The following NUP210 variants were observed in gnomAD, a reference collection of about 807,000 sequenced individuals.
The protein encoded by NUP210 is nucleoporin 210, also known as nuclear pore membrane glycoprotein 210.
NUP210 carries 151 observed loss-of-function variants against 196.0 expected under a neutral mutation model. The observed-to-expected ratio is 0.77, with a 90% confidence interval of 0.67 to 0.88. The LOEUF (loss-of-function observed/expected upper bound fraction) is 0.88. NUP210 is among the 40% of genes least tolerant of loss of function. The pLI is 0.00. For missense variants in NUP210, 2,314 were observed against 2,493.7 expected (o/e 0.93, Z 1.53); for synonymous variants, 1,070 against 1,052.7 (o/e 1.02, Z -0.32).
In NUP210 at chr3:13,403,445, C is replaced by T. The variant is rs185744220; in HGVS notation, c.168-3584G>A. Among the ~76,000 whole-genome samples the T allele has an allele frequency of 2.6e-5, 4 of 152,324 alleles. No homozygotes were observed. The East Asian group carries it at 7.7e-4, about 29-fold the overall frequency. ...GGCCCCACCCTCATGACCCCATCAC[C>T]TCCCAAAGGTGCTACCTCAAATGCC... On this transcript the variant is annotated intron_variant, in intron 1 of 39. Transcript: ENST00000254508.
At chr3:13,373,128 G>A (rs1698787743) in intron 12 of NUP210, among the ~76,000 whole-genome samples, 1 of 152,202 alleles carries the variant, frequency 6.6e-6, no homozygotes. Context: ...CCCAAATGAA[G>A]GAATAAAGGG....
At chr3:13,391,081 A>G (rs6442382) in intron 4 of NUP210, 130 bp downstream of exon 4, 367,456 of 656,774 alleles carry the variant, frequency 0.56, 106,570 homozygotes, top group African/African-American at 0.84. Context: ...TCGGAATGTT[A>G]CGGGCATCCT....
chr3:13,381,444 G>C (rs1235669240), intron 6 of NUP210, among the ~76,000 whole-genome samples: 3 of 134,752 alleles, frequency 2.2e-5, no homozygotes, highest in African/African-American at 8.4e-5. Context: ...TTAGAGATAG[G>C]TTCTTACTAT....
In NUP210 at chr3:13,317,639, G is replaced by A. The variant is rs1254991474; in HGVS notation, c.*42C>T. On this transcript the variant is annotated 3_prime_UTR_variant, in exon 40 of 40. Coordinates refer to ENST00000254508, the MANE Select transcript of NUP210 (RefSeq NM_024923.4). The stretch of plus-strand genomic sequence containing the variant: ...GGGATGTTCCATCTTGGGGGTGCAC[G>A]AGGCTCGGCTGAGACCCATCCTCCG... 5.7e-6 allele frequency: 8 copies of A among 1,415,854 alleles called. No individual in the cohort carries two copies. The highest frequency in any genetic ancestry group is 2.8e-5 in the African/African-American group (2 of 70,872). The allele number at this position is 1,415,854 out of a possible 1,614,324, so 87.7% of individuals were successfully genotyped here. A position where few individuals can be genotyped will look rare whatever the true frequency, so the allele number is the denominator to read the frequency against.
At chr3:13,386,106 TTCTG>T (rs1417597593) in intron 6 of NUP210, among the ~76,000 whole-genome samples, 165 bp downstream of exon 6, 2 of 151,922 alleles carry the variant, frequency 1.3e-5, no homozygotes, top group Admixed American at 1.3e-4. Flanking sequence ...GATGAACGAG[TTCTG>T]TGGATGGATG....
At position 13,399,864 on chromosome 3, in the gene NUP210, G is replaced by A. The variant is rs748629288; in HGVS notation, c.168-3C>T. On this transcript the variant is annotated splice_polypyrimidine_tract_variant and splice_region_variant and intron_variant, in intron 1 of 39. Coordinates refer to ENST00000254508, the MANE Select transcript of NUP210 (RefSeq NM_024923.4). Reference sequence around the variant, plus strand: ...CCACCTCCGGCCGGGTGGACAACCTGCAGTGGAAGAAGACAGCATTTACTC... The same window carrying A: ...CCACCTCCGGCCGGGTGGACAACCTACAGTGGAAGAAGACAGCATTTACTC... 1.2e-6 allele frequency: 2 copies of A among 1,601,286 alleles called. No individual in the cohort carries two copies. The highest frequency in any genetic ancestry group is 2.2e-5 in the East Asian group (1 of 44,816).
rs777804923 is a variant in NUP210 at position 13,330,558 on chromosome 3, C to G, written c.4012G>C (p.Gly1338Arg). Residue 1338 changes from glycine (G) to arginine (R), a missense_variant, in exon 30 of 40, where the codon GGC becomes CGC. Gly to Arg is a moderately radical substitution (Grantham distance 125, BLOSUM62 -2). Coordinates refer to ENST00000254508, the MANE Select transcript of NUP210 (RefSeq NM_024923.4). ...KVPVVHVDEK[G>R]FLASGSMIGT... ...ATCATAGACCCTGATGCTAGAAAGC[C>G]TTTCTCATCAACATGCACAACTGGA... 21 of 1,614,136 alleles carry G rather than the reference C, an allele frequency of 1.3e-5. No individual in the cohort carries two copies. In the South Asian group the frequency reaches 2.1e-4, roughly 16 times the overall value.
chr3:13,361,386 A>C (rs1698364081), intron 14 of NUP210, among the ~76,000 whole-genome samples: 1 of 152,248 alleles, frequency 6.6e-6, no homozygotes, highest in Non-Finnish European at 1.5e-5. Flanking sequence ...GGCCTAGGGC[A>C]ACCAGTGGTG....
At chr3:13,404,866 A>G (rs1699955143) in intron 1 of NUP210, among the ~76,000 whole-genome samples, 1 of 152,188 alleles carries the variant, frequency 6.6e-6, no homozygotes, top group African/African-American at 2.4e-5. Context: ...TGGGGAGAGA[A>G]GAATTACATC....
At chr3:13,401,315 C>T (rs1348738095) in intron 1 of NUP210, among the ~76,000 whole-genome samples, 1 of 148,792 alleles carries the variant, frequency 6.7e-6, no homozygotes, top group Non-Finnish European at 1.5e-5. Flanking sequence ...GCAGATGTCC[C>T]GCCTTCTGGC....
Position 13,317,485 on chromosome 3 carries a change from T to A in NUP210, c.*196A>T. On this transcript the variant is annotated 3_prime_UTR_variant, in exon 40 of 40. Transcript: ENST00000254508. Reference sequence around the variant, plus strand: ...ACTTGAAAGGAAAAAAACACACATTTAAAACTCCTACATAAAATGAGCTAA... The same window carrying A: ...ACTTGAAAGGAAAAAAACACACATTAAAAACTCCTACATAAAATGAGCTAA... 2 of 581,722 alleles carry A rather than the reference T, an allele frequency of 3.4e-6. No homozygotes were observed. The highest frequency in any genetic ancestry group is 5.8e-5 in the East Asian group (2 of 34,330). 36.0% of individuals were successfully genotyped at this position (581,722 alleles called of 1,614,324 possible).
chr3:13,335,705 C>G, intron 27 of NUP210, 93 bp from the exon 28 acceptor site: 2 of 1,383,916 alleles, frequency 1.4e-6, no homozygotes, highest in South Asian at 1.3e-5. Context: ...GACCCCCCAG[C>G]CCCCCAGTCC....
rs1699020134 is a variant in NUP210, at chr3:13,379,161, T to C, written c.977-181A>G. On this transcript the variant is annotated intron_variant, in intron 7 of 39. Transcript: ENST00000254508. This position sits in a 1 kb window ranked among gnomAD's most constrained non-coding sequence, Gnocchi z 4.2. The stretch of plus-strand genomic sequence containing the variant: ...CACTTTTCAGAATCAAAGGCCACAC[T>C]GCGCTTGCCACACTAGCAAAGGGGA... 6.6e-6 allele frequency among the ~76,000 whole-genome samples: 1 copy of C among 152,196 alleles called. No homozygotes were observed. Among genetic ancestry groups the C allele is most frequent in the Non-Finnish European group, 1.5e-5 (1 of 68,030 alleles).
At chr3:13,409,332 G>A (rs1476959972) in intron 1 of NUP210, among the ~76,000 whole-genome samples, 2 of 152,164 alleles carry the variant, frequency 1.3e-5, no homozygotes, top group Admixed American at 6.5e-5. Flanking sequence ...CATGATGTCT[G>A]AGCCCTCATG....
Position 13,348,033 on chromosome 3 carries a change from G to A in NUP210, c.2835+3846C>T, listed in dbSNP as rs75671719. Among the ~76,000 whole-genome samples, 2,035 of 152,304 alleles carry A rather than the reference G, an allele frequency of 0.013. 33 individuals carry two copies. The highest frequency in any genetic ancestry group is 0.054 in the Middle Eastern group (16 of 294). On this transcript the variant is annotated intron_variant, in intron 20 of 39. Coordinates refer to ENST00000254508, the MANE Select transcript of NUP210 (RefSeq NM_024923.4). The surrounding 1 kb of genome is among the most constrained non-coding windows in gnomAD (Gnocchi z 4.0). ...GCTTGCCATAGGGGAGACTCGTCCC[G>A]GGTCCTGCCTGCAATGGGCACTCTG...
At chr3:13,318,766 C>T (rs1696378865) in intron 39 of NUP210, among the ~76,000 whole-genome samples, 1 of 152,208 alleles carries the variant, frequency 6.6e-6, no homozygotes, top group Non-Finnish European at 1.5e-5. Flanking sequence ...CAGCTTAGAG[C>T]CTTCTGAGGC....
intron 20 of NUP210, chr3:13,344,849 C>T (rs1054880559): frequency 3.5e-6 from 3 of 867,334 alleles, no homozygotes; most frequent in Non-Finnish European, 4.2e-6. Flanking sequence ...GGACTCTTTC[C>T]CCAGCCTCCA....
At chr3:13,356,354 C>G (rs1698171969) in intron 16 of NUP210, among the ~76,000 whole-genome samples, 1 of 152,216 alleles carries the variant, frequency 6.6e-6, no homozygotes, top group South Asian at 2.1e-4. Flanking sequence ...TCAAAGTTCC[C>G]TAATGACTGG....
At position 13,317,421 on chromosome 3, in the gene NUP210, T is replaced by C. The variant is rs745544187; in HGVS notation, c.*260A>G. The stretch of plus-strand genomic sequence containing the variant: ...ATTGTCCAGAAACCCTAGACAACCA[T>C]GCAAAAAGGAATGAGCCAAAAAGTC... On this transcript the variant is annotated 3_prime_UTR_variant, in exon 40 of 40. Coordinates refer to ENST00000254508, the MANE Select transcript of NUP210 (RefSeq NM_024923.4). 7 of 503,764 alleles carry C rather than the reference T, an allele frequency of 1.4e-5. No homozygotes were observed. Among genetic ancestry groups the C allele is most frequent in the African/African-American group, 7.8e-5 (4 of 51,268 alleles). 31.2% of individuals were successfully genotyped at this position (503,764 alleles called of 1,614,324 possible).
Sources: gnomAD v4.1 joint callset for allele counts (sites outside exome capture counted in the v4.1 genomes callset) on GRCh38, gnomAD v4.1.1 for gene constraint, Gnocchi (gnomAD v3.1) non-coding constraint, MANE v1.5 for transcripts, NCBI Gene and HGNC (gene_info 2026-07-23, HGNC 2026-07-21) for gene names.